The following GRID2 variants were observed in gnomAD, a reference collection of about 807,000 sequenced individuals.
GRID2 encodes glutamate receptor ionotropic, delta-2.
In GRID2, 33 loss-of-function variants were observed where a neutral mutation model predicts 114.8. The ratio of observed to expected loss-of-function variants is 0.29; its 90% CI spans 0.22 to 0.38. The LOEUF (loss-of-function observed/expected upper bound fraction) is 0.38. Among genes scored for constraint, GRID2 ranks in the 10% least tolerant of loss-of-function variants. GRID2 has a pLI of 1.00. For missense variants in GRID2, 1,184 were observed against 1,257.7 expected (o/e 0.94, Z 0.89); for synonymous variants, 505 against 449.9 (o/e 1.12, Z -1.55).
At chr4:93,236,481 G>A (rs1464560073) in intron 7 of GRID2, among the ~76,000 whole-genome samples, 3 of 151,866 alleles carry the variant, frequency 2.0e-5, no homozygotes, top group Non-Finnish European at 4.4e-5. Context: ...AAAGCTTCAG[G>A]ACATTTTCTG....
At chr4:93,420,875 T>C (rs915836967) in intron 9 of GRID2, among the ~76,000 whole-genome samples, 8 of 151,970 alleles carry the variant, frequency 5.3e-5, no homozygotes, top group Non-Finnish European at 1.2e-4. Context: ...GGCTGCAGCC[T>C]CCCAAGTAGC....
At chr4:92,722,039 G>A (rs1735831854) in intron 2 of GRID2, among the ~76,000 whole-genome samples, 1 of 152,162 alleles carries the variant, frequency 6.6e-6, no homozygotes, top group Admixed American at 6.6e-5. Context: ...ATGAAAGGTG[G>A]TAGCCTGAGT....
intron 4 of GRID2, among the ~76,000 whole-genome samples, chr4:93,163,883 A>G (rs1306237031): frequency 3.3e-5 from 5 of 152,006 alleles, no homozygotes; most frequent in Admixed American, 6.6e-5. Flanking sequence ...ATTTGGGATG[A>G]CAAACATGGA....
At chr4:92,349,659 GTTATTAAAGATTTTAA>G (rs1727964557) in intron 1 of GRID2, among the ~76,000 whole-genome samples, 1 of 151,448 alleles carries the variant, frequency 6.6e-6, no homozygotes, top group Admixed American at 6.6e-5. Context: ...TTTATCATCT[GTTATTAAAGATTTTAA>G]TTAGGGAAAT....
At chr4:93,259,034 A>T (rs1749946271) in intron 8 of GRID2, 1 of 396,722 alleles carries the variant, frequency 2.5e-6, no homozygotes, top group Non-Finnish European at 5.0e-6. Flanking sequence ...AAGGGAAAAA[A>T]GATTAAAGAA....
In GRID2 at chr4:92,456,439, G is replaced by A. The variant is rs541348762; in HGVS notation, c.89-133692G>A. 5.3e-5 allele frequency among the ~76,000 whole-genome samples: 8 copies of A among 152,134 alleles called. No homozygotes were observed. In the South Asian group the frequency reaches 8.3e-4, roughly 16 times the overall value. ...CTATTTTAAAAGTAAGACTTGATAC[G>A]TGAGAGACTAGTCAAGTTTGGTGAT... On this transcript the variant is annotated intron_variant, in intron 1 of 15. Coordinates refer to ENST00000282020, the MANE Select transcript of GRID2 (RefSeq NM_001510.4).
intron 2 of GRID2, among the ~76,000 whole-genome samples, chr4:92,796,787 G>A (rs1483935234): frequency 6.6e-6 from 1 of 151,610 alleles, no homozygotes; most frequent in East Asian, 2.0e-4. Context: ...TCCTTTGCTG[G>A]GATTAAATTC....
chr4:92,704,846 T>G (rs1196986200), intron 2 of GRID2, among the ~76,000 whole-genome samples: 1 of 142,342 alleles, frequency 7.0e-6, no homozygotes, highest in Admixed American at 7.1e-5. Context: ...CCTCTTCAAC[T>G]GCATTGGTAA....
intron 13 of GRID2, among the ~76,000 whole-genome samples, chr4:93,557,054 C>T (rs375461602): frequency 6.6e-6 from 1 of 152,286 alleles, no homozygotes; most frequent in East Asian, 1.9e-4. Flanking sequence ...GGGATTTTGT[C>T]ACAGCCAGGC....
intron 1 of GRID2, among the ~76,000 whole-genome samples, chr4:92,372,171 G>A (rs939713644): frequency 2.6e-5 from 4 of 152,196 alleles, no homozygotes; most frequent in Admixed American, 6.6e-5. Flanking sequence ...TGAAGATGCT[G>A]TGAGCATTGT....
At chr4:93,139,955 T>C (rs188034443) in intron 4 of GRID2, among the ~76,000 whole-genome samples, 4 of 152,198 alleles carry the variant, frequency 2.6e-5, no homozygotes, top group African/African-American at 9.6e-5. Flanking sequence ...TTCTAAGTAA[T>C]TGCACATAGC....
intron 2 of GRID2, among the ~76,000 whole-genome samples, chr4:92,722,791 G>T (rs958143960): frequency 6.6e-6 from 1 of 152,068 alleles, no homozygotes; most frequent in Non-Finnish European, 1.5e-5. Flanking sequence ...ATTATTTAGA[G>T]AAAAGTCCCT....
At chr4:92,921,040 T>C (rs916841102) in intron 2 of GRID2, among the ~76,000 whole-genome samples, 3 of 152,160 alleles carry the variant, frequency 2.0e-5, no homozygotes, top group Admixed American at 2.0e-4. Context: ...GGAGGCTTTG[T>C]TCATTTCTTT....
intron 2 of GRID2, among the ~76,000 whole-genome samples, chr4:93,042,870 C>T (rs1025396805): frequency 1.3e-5 from 2 of 151,290 alleles, no homozygotes; most frequent in African/African-American, 4.9e-5. Context: ...GCCAAGTAGC[C>T]ACTCTTGAAA....
chr4:93,212,397 A>G (rs1336409800), intron 5 of GRID2, among the ~76,000 whole-genome samples: 1 of 152,172 alleles, frequency 6.6e-6, no homozygotes, highest in African/African-American at 2.4e-5. Context: ...GTGCTAGCTC[A>G]TATGGTGTAA....
At chr4:93,732,320 C>T (rs1730554921) in intron 14 of GRID2, among the ~76,000 whole-genome samples, 1 of 152,150 alleles carries the variant, frequency 6.6e-6, no homozygotes, top group Non-Finnish European at 1.5e-5. Context: ...ACACATGAAG[C>T]TCAGTAACTC....
At chr4:92,806,716 T>C (rs1412562296) in intron 2 of GRID2, among the ~76,000 whole-genome samples, 2 of 152,004 alleles carry the variant, frequency 1.3e-5, no homozygotes, top group Non-Finnish European at 2.9e-5. Flanking sequence ...TCAGTAGTAT[T>C]TCTAATAGTA....
At chr4:93,400,187 T>A (rs1765736806) in intron 9 of GRID2, among the ~76,000 whole-genome samples, 1 of 152,062 alleles carries the variant, frequency 6.6e-6, no homozygotes, top group Non-Finnish European at 1.5e-5. Flanking sequence ...AAATGAAATT[T>A]GATATAATTA....
At chr4:92,985,541 A>C (rs1754468723) in intron 2 of GRID2, among the ~76,000 whole-genome samples, 1 of 152,106 alleles carries the variant, frequency 6.6e-6, no homozygotes, top group Admixed American at 6.5e-5. Context: ...CCGGCCGGTA[A>C]AAATATTTTT....
Sources: gnomAD v4.1 joint callset for allele counts (sites outside exome capture counted in the v4.1 genomes callset) on GRCh38, gnomAD v4.1.1 for gene constraint, MANE v1.5 for transcripts, NCBI Gene and HGNC (gene_info 2026-07-23, HGNC 2026-07-21) for gene names.